ANKRD11: variants seen among roughly 807,000 people sequenced by gnomAD.
ANKRD11 encodes the protein ankyrin repeat domain 11.
A neutral mutation model predicts 195.7 loss-of-function variants in ANKRD11; 17 were observed. That is an observed-to-expected ratio of 0.09 (90% CI 0.06 to 0.13). The LOEUF (loss-of-function observed/expected upper bound fraction) is 0.13. ANKRD11 is among the 10% of genes least tolerant of loss of function. ANKRD11 has a pLI of 1.00. For missense variants in ANKRD11, 3,735 were observed against 3,566.1 expected (o/e 1.05, Z -1.21); for synonymous variants, 1,953 against 1,528.1 (o/e 1.28, Z -6.49).
At position 89,274,826 on chromosome 16, in the gene ANKRD11, G is replaced by A. The variant is rs1358176391; in HGVS notation, c.7701C>T (p.Pro2567=). 3 of 1,611,340 alleles carry A rather than the reference G, an allele frequency of 1.9e-6. No homozygotes were observed. The highest frequency in any genetic ancestry group is 2.5e-6 in the Non-Finnish European group (3 of 1,179,856). ...MLLDSEVYNM[P]LESQGDENKS... The stretch of plus-strand genomic sequence containing the variant: ...AGACGGGCCCTACCTGGCTCTCCAG[G>A]GGCATGTTGTAGACCTCGGAGTCCA... The change falls in exon 11 of 13, where the codon CCC becomes CCT. Residue 2567 remains proline, a synonymous_variant. Coordinates refer to ENST00000301030, the MANE Select transcript of ANKRD11 (RefSeq NM_013275.6).
chr16:89,374,659 G>C (rs1416505250), intron 2 of ANKRD11, among the ~76,000 whole-genome samples: 1 of 152,198 alleles, frequency 6.6e-6, no homozygotes, highest in African/African-American at 2.4e-5. Flanking sequence ...ACGATCAGAG[G>C]AGAAAAGCTC....
In ANKRD11 at chr16:89,461,111, A is replaced by AC. The variant is rs1371811077; in HGVS notation, c.-145+29133dup. Among the ~76,000 whole-genome samples, 32 of 122,172 alleles carry AC rather than the reference A, an allele frequency of 2.6e-4. 2 individuals are homozygous for AC. Among genetic ancestry groups the AC allele is most frequent in the Non-Finnish European group, 3.6e-4 (22 of 60,726 alleles). 80.1% of individuals were successfully genotyped at this position (122,172 alleles called of 152,430 possible). ...GAGAAGAAAGGACAAATATCGTATGACCCCCTCCCATAGGAGACGCACCTT... is the reference window on the plus strand; with the variant it reads ...GAGAAGAAAGGACAAATATCGTATGACCCCCCTCCCATAGGAGACGCACCTT... On this transcript the variant is annotated intron_variant, in intron 1 of 12. Coordinates refer to ENST00000301030, the MANE Select transcript of ANKRD11 (RefSeq NM_013275.6).
intron 1 of ANKRD11, among the ~76,000 whole-genome samples, chr16:89,456,542 CAA>C (rs748076442): frequency 2.3e-4 from 17 of 74,284 alleles, no homozygotes; most frequent in African/African-American, 2.0e-4. Context: ...GACTCCGTTT[CAA>C]AAAAAAAAAA....
intron 1 of ANKRD11, among the ~76,000 whole-genome samples, chr16:89,477,976 T>A (rs8051537): frequency 0.51 from 77,233 of 152,018 alleles, 19,854 homozygotes; most frequent in East Asian, 0.68. Flanking sequence ...AACAAAAAAT[T>A]AAAAAATCAG....
chr16:89,414,607 C>G (rs774370693), intron 2 of ANKRD11, among the ~76,000 whole-genome samples: 2 of 152,168 alleles, frequency 1.3e-5, no homozygotes, highest in Non-Finnish European at 2.9e-5. Context: ...TAGATACGAC[C>G]GTGACCACTG....
chr16:89,280,152 G>A lies in ANKRD11; in HGVS notation c.6390C>T (p.Asp2130=), dbSNP rs748035996. ...WADAFAGPED[D]LDLGPFSLPE... The stretch of plus-strand genomic sequence containing the variant: ...GCAGGGAGAAGGGCCCCAGGTCCAG[G>A]TCGTCCTCGGGGCCGGCGAAGGCGT... Residue 2130 remains aspartate (D), a synonymous_variant, in exon 9 of 13, where the codon GAC becomes GAT. Coordinates refer to ENST00000301030, the MANE Select transcript of ANKRD11 (RefSeq NM_013275.6). 4 of 1,611,056 alleles carry A rather than the reference G, an allele frequency of 2.5e-6. No individual in the cohort carries two copies. The highest frequency in any genetic ancestry group is 2.2e-5 in the East Asian group (1 of 44,848).
chr16:89,315,277 T>C (rs1193732857), intron 3 of ANKRD11, among the ~76,000 whole-genome samples: 1 of 152,116 alleles, frequency 6.6e-6, no homozygotes, highest in African/African-American at 2.4e-5. Context: ...CTGCTCCCCG[T>C]GAATGCTGAG....
At chr16:89,416,127 TG>T (rs1203925493) in intron 2 of ANKRD11, among the ~76,000 whole-genome samples, 1 of 152,180 alleles carries the variant, frequency 6.6e-6, no homozygotes, top group Non-Finnish European at 1.5e-5. Context: ...ATTATTACTG[TG>T]GCATGGTCAA....
chr16:89,312,243 G>A (rs771910253), intron 3 of ANKRD11, among the ~76,000 whole-genome samples: 9 of 152,216 alleles, frequency 5.9e-5, no homozygotes, highest in African/African-American at 1.9e-4. Context: ...TGAGGAGCTC[G>A]GCGTTCACAG....
At chr16:89,380,455 C>G (rs1567723519) in intron 2 of ANKRD11, among the ~76,000 whole-genome samples, 1 of 152,152 alleles carries the variant, frequency 6.6e-6, no homozygotes, top group Non-Finnish European at 1.5e-5. Context: ...TGGATTAGAG[C>G]TCCCTGAGCC....
chr16:89,325,449 C>CCTCTCTCT (rs10641419), intron 2 of ANKRD11, among the ~76,000 whole-genome samples: 13 of 139,624 alleles, frequency 9.3e-5, no homozygotes, highest in Admixed American at 5.1e-4. Flanking sequence ...TCTCCCCTCT[C>CCTCTCTCT]CTCTCTCTCT....
chr16:89,418,493 A>G (rs1017207999), intron 1 of ANKRD11, 125 bp from the exon 2 acceptor site: 1 of 313,184 alleles, frequency 3.2e-6, no homozygotes, highest in African/African-American at 2.2e-5. Flanking sequence ...CCCATGACCC[A>G]CTGCTCAGCT....
chr16:89,305,575 G>A (rs1323323665), intron 3 of ANKRD11, among the ~76,000 whole-genome samples: 3 of 152,066 alleles, frequency 2.0e-5, no homozygotes, highest in Non-Finnish European at 2.9e-5. Context: ...CTCATCCTGC[G>A]CACCGGAGGG....
intron 2 of ANKRD11, among the ~76,000 whole-genome samples, chr16:89,416,730 G>A (rs1384064424): frequency 6.8e-6 from 1 of 147,106 alleles, no homozygotes; most frequent in Admixed American, 6.8e-5. Context: ...AGGGGTTCAA[G>A]ACAGGCCTGG....
intron 12 of ANKRD11, chr16:89,270,597 C>T: frequency 1.7e-6 from 1 of 598,676 alleles, no homozygotes; most frequent in Non-Finnish European, 3.0e-6. Context: ...GCTCCCTGCA[C>T]ACCGGGACAG....
chr16:89,368,907 T>A (rs2040070875), intron 2 of ANKRD11, among the ~76,000 whole-genome samples: 1 of 151,900 alleles, frequency 6.6e-6, no homozygotes, highest in Admixed American at 6.6e-5. Context: ...TCCAAAAATT[T>A]AAAAAATGGG....
intron 2 of ANKRD11, among the ~76,000 whole-genome samples, chr16:89,384,860 C>T (rs1166236824): frequency 1.6e-5 from 2 of 122,708 alleles, no homozygotes; most frequent in Non-Finnish European, 1.7e-5. Context: ...TGTGGGAGCA[C>T]ACAATGAGAA....
intron 1 of ANKRD11, among the ~76,000 whole-genome samples, chr16:89,457,698 T>C (rs2056498778): frequency 6.6e-6 from 1 of 152,098 alleles, no homozygotes; most frequent in Non-Finnish European, 1.5e-5. Flanking sequence ...TGGAGGGTTC[T>C]GGTTACAAAT....
intron 1 of ANKRD11, among the ~76,000 whole-genome samples, chr16:89,435,981 G>A (rs1373374498): frequency 2.0e-5 from 3 of 152,174 alleles, no homozygotes; most frequent in Non-Finnish European, 1.5e-5. Context: ...TGCTGAGCAC[G>A]CCCACCAGCC....
Sources: gnomAD v4.1 joint callset for allele counts (sites outside exome capture counted in the v4.1 genomes callset) on GRCh38, gnomAD v4.1.1 for gene constraint, MANE v1.5 for transcripts, NCBI Gene and HGNC (gene_info 2026-07-23, HGNC 2026-07-21) for gene names.